Variants in RPSA2 observed in about 807,000 individuals in gnomAD.
RPSA2 encodes ribosomal protein SA 2.
the RPSA2 span, among the ~76,000 whole-genome samples, chr19:23,789,014 T>TC: frequency 2.2e-5 from 1 of 45,020 alleles, no homozygotes; most frequent in Non-Finnish European, 4.4e-5. Flanking sequence ...TTCTTTTTTT[T>TC]CTTTCTTTCT....
chr19:23,862,794 C>G, the RPSA2 span, among the ~76,000 whole-genome samples: 1 of 150,794 alleles, frequency 6.6e-6, no homozygotes. Flanking sequence ...ACAAACTTAA[C>G]AGTTTGAGTT....
chr19:23,864,609 G>T, the RPSA2 span, among the ~76,000 whole-genome samples: 1 of 152,030 alleles, frequency 6.6e-6, no homozygotes, highest in Non-Finnish European at 1.5e-5. Context: ...TTATTCTAAA[G>T]TTGGCTTATA....
the RPSA2 span, among the ~76,000 whole-genome samples, chr19:23,767,956 G>A: frequency 1.3e-3 from 201 of 151,834 alleles, no homozygotes; most frequent in Admixed American, 4.1e-3. Context: ...TAGTAGAGAC[G>A]GGGTTTCACT....
At chr19:23,866,863 A>G in the RPSA2 span, among the ~76,000 whole-genome samples, 1 of 152,106 alleles carries the variant, frequency 6.6e-6, no homozygotes, top group African/African-American at 2.4e-5. Flanking sequence ...AGCAGAATAC[A>G]TGGGACTAAT....
the RPSA2 span, among the ~76,000 whole-genome samples, chr19:23,829,014 G>A: frequency 6.6e-6 from 1 of 151,278 alleles, no homozygotes; most frequent in South Asian, 2.1e-4. Context: ...ATTTTTTGAT[G>A]TCCTTCTTTG....
chr19:23,862,224 T>C, the RPSA2 span, among the ~76,000 whole-genome samples: 1 of 152,144 alleles, frequency 6.6e-6, no homozygotes, highest in Non-Finnish European at 1.5e-5. Context: ...TGTACATTGA[T>C]TTTGTATCCT....
the RPSA2 span, among the ~76,000 whole-genome samples, chr19:23,766,565 C>T: frequency 2.2e-3 from 329 of 151,274 alleles, 3 homozygotes; most frequent in African/African-American, 7.7e-3. Context: ...CGCCATTCTC[C>T]TGCCTCAGCC....
the RPSA2 span, among the ~76,000 whole-genome samples, chr19:23,829,416 C>T: frequency 2.8e-4 from 42 of 152,310 alleles, no homozygotes; most frequent in African/African-American, 8.7e-4. Flanking sequence ...ATTTACCTGC[C>T]TCAACCTCCT....
At chr19:23,832,962 A>G in the RPSA2 span, 1 of 1,471,640 alleles carries the variant, frequency 6.8e-7, no homozygotes, top group South Asian at 1.2e-5. Context: ...ACAGTGGAGT[A>G]AAACCCTACA....
the RPSA2 span, among the ~76,000 whole-genome samples, chr19:23,829,247 C>G: frequency 6.6e-6 from 1 of 152,050 alleles, no homozygotes; most frequent in Non-Finnish European, 1.5e-5. Context: ...GTGTCTTATT[C>G]TCTTTCCATC....
At chr19:23,833,717 A>C in the RPSA2 span, among the ~76,000 whole-genome samples, 2 of 152,172 alleles carry the variant, frequency 1.3e-5, no homozygotes, top group African/African-American at 2.4e-5. Context: ...ATGAAATAAA[A>C]GCATAAAAGT....
At chr19:23,820,797 T>A in the RPSA2 span, among the ~76,000 whole-genome samples, 7 of 152,218 alleles carry the variant, frequency 4.6e-5, no homozygotes, top group Admixed American at 1.3e-4. Context: ...AGCTATCAGC[T>A]CTGCTTTTTG....
chr19:23,851,855 C>T, the RPSA2 span, among the ~76,000 whole-genome samples: 22 of 152,264 alleles, frequency 1.4e-4, no homozygotes, highest in Admixed American at 3.9e-4. Flanking sequence ...TTGTCAATAA[C>T]GCTGATAAAA....
the RPSA2 span, among the ~76,000 whole-genome samples, chr19:23,862,620 A>T: frequency 6.6e-6 from 1 of 152,134 alleles, no homozygotes; most frequent in Non-Finnish European, 1.5e-5. Context: ...CCTTTTCTGC[A>T]TCTATTGAGA....
At chr19:23,836,614 C>G in the RPSA2 span, among the ~76,000 whole-genome samples, 10 of 152,248 alleles carry the variant, frequency 6.6e-5, no homozygotes, top group East Asian at 1.9e-3. Flanking sequence ...AGTGACTGTA[C>G]TGGTTGACAT....
the RPSA2 span, chr19:23,809,014 C>A: frequency 5.2e-6 from 1 of 192,384 alleles, no homozygotes; most frequent in Non-Finnish European, 1.1e-5. Context: ...AATTTCCCTT[C>A]AGTGTTCTTC....
chr19:23,854,445 G>A, the RPSA2 span, among the ~76,000 whole-genome samples: 1 of 152,312 alleles, frequency 6.6e-6, no homozygotes, highest in South Asian at 2.1e-4. Flanking sequence ...AAATTTGTTT[G>A]TGCTGGGGGC....
the RPSA2 span, among the ~76,000 whole-genome samples, chr19:23,764,890 T>G: frequency 2.5e-4 from 38 of 152,168 alleles, no homozygotes; most frequent in Admixed American, 8.5e-4. Context: ...AAGTTTTGCT[T>G]TGGAGAAATT....
chr19:23,851,413 G>A, the RPSA2 span, among the ~76,000 whole-genome samples: 3 of 152,166 alleles, frequency 2.0e-5, no homozygotes, highest in Non-Finnish European at 2.9e-5. Context: ...CTACCTTTTG[G>A]TTACCAGCAG....
Sources: gnomAD v4.1 joint callset for allele counts (sites outside exome capture counted in the v4.1 genomes callset) on GRCh38, gnomAD v4.1.1 for gene constraint, MANE v1.5 for transcripts, NCBI Gene and HGNC (gene_info 2026-07-23, HGNC 2026-07-21) for gene names.